SLC24A3: variants seen among roughly 807,000 people sequenced by gnomAD.
SLC24A3 encodes solute carrier family 24 member 3, also known as sodium/potassium/calcium exchanger 3.
SLC24A3 carries 28 observed loss-of-function variants against 75.8 expected under a neutral mutation model. The ratio of observed to expected loss-of-function variants is 0.37; its 90% CI spans 0.27 to 0.51. The LOEUF (loss-of-function observed/expected upper bound fraction) is 0.51, where lower values mean the gene tolerates loss of function less well. Among genes scored for constraint, SLC24A3 ranks in the 20% least tolerant of loss-of-function variants. SLC24A3 has a pLI of 0.94. For synonymous variants in SLC24A3, 372 were observed against 334.1 expected, an observed-to-expected ratio of 1.11 and a Z score of -1.24; for missense variants, 663 against 847.8, an observed-to-expected ratio of 0.78 and a Z score of 2.71.
chr20:19,545,367 A>T (rs1020198960), intron 3 of SLC24A3, among the ~76,000 whole-genome samples: 2 of 152,180 alleles, frequency 1.3e-5, no homozygotes, highest in African/African-American at 2.4e-5. Context: ...TCCTCTTCAG[A>T]GGTGCTCCCC....
At chr20:19,240,754 A>G (rs1011715189) in intron 1 of SLC24A3, among the ~76,000 whole-genome samples, 9 of 152,192 alleles carry the variant, frequency 5.9e-5, no homozygotes, top group African/African-American at 1.4e-4. Context: ...GAGCACAACA[A>G]CATCACACAG....
intron 2 of SLC24A3, among the ~76,000 whole-genome samples, chr20:19,473,516 T>C (rs1987909899): frequency 1.3e-5 from 2 of 152,246 alleles, no homozygotes; most frequent in Non-Finnish European, 2.9e-5. Flanking sequence ...GCCCTTTCTG[T>C]AGCTTTCTTT....
At chr20:19,343,503 G>A (rs1368904177) in intron 2 of SLC24A3, among the ~76,000 whole-genome samples, 6 of 152,042 alleles carry the variant, frequency 3.9e-5, no homozygotes, top group African/African-American at 1.5e-4. Flanking sequence ...TCATCATTAC[G>A]GCAGATATTG....
At chr20:19,580,768 A>G (rs189128264) in intron 4 of SLC24A3, among the ~76,000 whole-genome samples, 68 of 152,122 alleles carry the variant, frequency 4.5e-4, no homozygotes, top group African/African-American at 1.5e-3. Context: ...ATTTATTTAT[A>G]TTTATCGGTT....
At position 19,517,688 on chromosome 20, in the gene SLC24A3, A is replaced by T. The variant is rs1428796619; in HGVS notation, c.348+2124A>T. ...CAAGGCCAGTGCCCACCCCTTCAAG[A>T]TTATGTTCCAAGCACACAGAAGCCC... On this transcript the variant is annotated intron_variant, in intron 3 of 16. Transcript: ENST00000328041. 4.6e-5 allele frequency among the ~76,000 whole-genome samples: 7 copies of T among 152,278 alleles called. No homozygotes were observed. The East Asian group carries it at 1.3e-3, about 29-fold the overall frequency.
chr20:19,596,814 A>G (rs1245027307), intron 6 of SLC24A3, among the ~76,000 whole-genome samples: 1 of 152,212 alleles, frequency 6.6e-6, no homozygotes, highest in African/African-American at 2.4e-5. Flanking sequence ...GCTTTTGCAT[A>G]TGGTGGAGCA....
At chr20:19,629,173 A>G (rs2031904505) in intron 6 of SLC24A3, among the ~76,000 whole-genome samples, 1 of 152,126 alleles carries the variant, frequency 6.6e-6, no homozygotes, top group Admixed American at 6.5e-5. Context: ...TCAGGAAAAC[A>G]ATATACAAAC....
Position 19,592,898 on chromosome 20 carries a change from C to T in SLC24A3, c.612+7354C>T, listed in dbSNP as rs547851685. On this transcript the variant is annotated intron_variant, in intron 6 of 16. Coordinates refer to ENST00000328041, the MANE Select transcript of SLC24A3 (RefSeq NM_020689.4). ...ACAACCTCCACCTCCCAAGTTTAAG[C>T]GATTCTCCTGCCTCAGCCTCCCGAG... Among the ~76,000 whole-genome samples the T allele has an allele frequency of 7.4e-5, 11 of 148,200 alleles. No individual in the cohort carries two copies. The East Asian group carries it at 1.0e-3, about 13-fold the overall frequency.
intron 2 of SLC24A3, among the ~76,000 whole-genome samples, chr20:19,487,947 A>G (rs2122526554): frequency 6.6e-6 from 1 of 152,302 alleles, no homozygotes; most frequent in Non-Finnish European, 1.5e-5. Context: ...TGATGAACCA[A>G]TATATGTGGG....
chr20:19,584,153 C>G (rs560902165), intron 4 of SLC24A3, among the ~76,000 whole-genome samples: 1 of 152,228 alleles, frequency 6.6e-6, no homozygotes, highest in African/African-American at 2.4e-5. Context: ...TTACCAGCCT[C>G]TAATGTATAA....
At chr20:19,408,427 C>T (rs1346866706) in intron 2 of SLC24A3, among the ~76,000 whole-genome samples, 1 of 149,404 alleles carries the variant, frequency 6.7e-6, no homozygotes, top group Non-Finnish European at 1.5e-5. Flanking sequence ...TCTCGCTCTG[C>T]CACCCAGCCT....
intron 2 of SLC24A3, among the ~76,000 whole-genome samples, chr20:19,481,253 A>T (rs1988048643): frequency 6.6e-6 from 1 of 152,172 alleles, no homozygotes; most frequent in Admixed American, 6.5e-5. Flanking sequence ...GTTGAAGAAG[A>T]TATTAAAGTT....
At chr20:19,248,222 C>T (rs932095826) in intron 1 of SLC24A3, among the ~76,000 whole-genome samples, 6 of 152,176 alleles carry the variant, frequency 3.9e-5, no homozygotes, top group Admixed American at 1.3e-4. Context: ...TCAGAACCAA[C>T]CTCTAGGCAA....
chr20:19,354,622 G>A (rs892844011), intron 2 of SLC24A3, among the ~76,000 whole-genome samples: 1 of 127,452 alleles, frequency 7.8e-6, no homozygotes, highest in Non-Finnish European at 1.5e-5. Flanking sequence ...GTGTGTGTGT[G>A]TATGTGTGTA....
intron 6 of SLC24A3, among the ~76,000 whole-genome samples, chr20:19,626,734 G>A (rs2031870759): frequency 6.6e-6 from 1 of 152,176 alleles, no homozygotes; most frequent in Non-Finnish European, 1.5e-5. Flanking sequence ...CCAAGTACCA[G>A]GAGTAAGAAT....
intron 2 of SLC24A3, among the ~76,000 whole-genome samples, chr20:19,487,939 A>G (rs1045904158): frequency 1.3e-5 from 2 of 152,140 alleles, no homozygotes; most frequent in Non-Finnish European, 2.9e-5. Flanking sequence ...GTTTGTCCTG[A>G]TGAACCAATA....
chr20:19,339,124 T>A (rs1448257477), intron 2 of SLC24A3, among the ~76,000 whole-genome samples: 2 of 68,732 alleles, frequency 2.9e-5, no homozygotes, highest in African/African-American at 1.1e-4. Context: ...CTGACTCTGT[T>A]TGTAATTAAT....
At chr20:19,270,803 T>G (rs1983306350) in intron 1 of SLC24A3, among the ~76,000 whole-genome samples, 4 of 145,942 alleles carry the variant, frequency 2.7e-5, no homozygotes, top group East Asian at 2.0e-4. Flanking sequence ...AGAGAAGGGG[T>G]GGAAGAAAGA....
intron 7 of SLC24A3, among the ~76,000 whole-genome samples, chr20:19,655,214 C>T (rs1161628917): frequency 6.6e-6 from 1 of 152,200 alleles, no homozygotes; most frequent in Non-Finnish European, 1.5e-5. Context: ...TGTTTCCATG[C>T]AGTGCATCTC....
Sources: gnomAD v4.1 joint callset for allele counts (sites outside exome capture counted in the v4.1 genomes callset) on GRCh38, gnomAD v4.1.1 for gene constraint, MANE v1.5 for transcripts, NCBI Gene and HGNC (gene_info 2026-07-23, HGNC 2026-07-21) for gene names.